ALK: variants seen among roughly 807,000 people sequenced by gnomAD.
ALK encodes the protein ALK tyrosine kinase receptor.
ALK carries 74 observed loss-of-function variants against 163.1 expected under a neutral mutation model. The ratio of observed to expected loss-of-function variants is 0.45; its 90% confidence interval spans 0.38 to 0.55. The LOEUF is 0.55. Among genes scored for constraint, ALK ranks in the 20% least tolerant of loss-of-function variants. ALK has a pLI of 0.00. For missense variants in ALK, 2,063 were observed against 2,105.3 expected (o/e 0.98, Z 0.39); for synonymous variants, 960 against 843.2 (o/e 1.14, Z -2.40).
chr2:29,694,220 C>G (rs1252241016), intron 3 of ALK, among the ~76,000 whole-genome samples: 1 of 152,198 alleles, frequency 6.6e-6, no homozygotes, highest in African/African-American at 2.4e-5. Context: ...GCCTACCTTT[C>G]CTAGGCCCTG....
At chr2:29,777,571 T>C (rs568666383) in intron 1 of ALK, among the ~76,000 whole-genome samples, 1 of 152,272 alleles carries the variant, frequency 6.6e-6, no homozygotes, top group African/African-American at 2.4e-5. Context: ...TGGCTTTCTC[T>C]TCCCCATGTG....
chr2:29,562,124 C>A (rs1674040822), intron 3 of ALK, among the ~76,000 whole-genome samples: 1 of 152,226 alleles, frequency 6.6e-6, no homozygotes, highest in South Asian at 2.1e-4. Context: ...TCTAGGCAGA[C>A]AGCCAGTTTC....
intron 1 of ALK, among the ~76,000 whole-genome samples, chr2:29,724,418 A>G (rs1679508980): frequency 6.6e-6 from 1 of 152,320 alleles, no homozygotes; most frequent in Non-Finnish European, 1.5e-5. Flanking sequence ...CACAGCTCTC[A>G]GAGAGTACAG....
intron 3 of ALK, among the ~76,000 whole-genome samples, chr2:29,693,431 A>ACG (rs1678460765): frequency 6.6e-6 from 1 of 150,564 alleles, no homozygotes; most frequent in South Asian, 2.1e-4. Flanking sequence ...ACACACACAC[A>ACG]CACACAGACA....
chr2:29,505,808 A>G, intron 4 of ALK, among the ~76,000 whole-genome samples: 1 of 150,610 alleles, frequency 6.6e-6, no homozygotes, highest in East Asian at 1.9e-4. Flanking sequence ...CACTAATTGA[A>G]AAAAAAAAAA....
chr2:29,226,895 C>T (rs1214860219), intron 18 of ALK, 27 bp downstream of exon 18: 3 of 1,613,600 alleles, frequency 1.9e-6, no homozygotes, highest in East Asian at 2.2e-5. Context: ...ATGGGCCCCT[C>T]TGCCTCCCCT....
In ALK at chr2:29,793,597, A is replaced by C. The variant is rs542632272; in HGVS notation, c.668-75900T>G. On this transcript the variant is annotated intron_variant, in intron 1 of 28. Transcript: ENST00000389048. ...GCTTGAAAGTCAAAATTAGTCCACT[A>C]TCCATGGATTGCAGAAAGGATGCTG... 1.6e-4 allele frequency among the ~76,000 whole-genome samples: 25 copies of C among 152,228 alleles called. No homozygotes were observed. In the South Asian group the frequency reaches 2.9e-3, roughly 18 times the overall value.
At chr2:29,391,961 G>A (rs543974269) in intron 4 of ALK, among the ~76,000 whole-genome samples, 1 of 152,338 alleles carries the variant, frequency 6.6e-6, no homozygotes, top group East Asian at 1.9e-4. Flanking sequence ...GGGGTATTGT[G>A]AAGATCACAT....
intron 5 of ALK, among the ~76,000 whole-genome samples, chr2:29,330,858 G>A (rs974927400): frequency 1.3e-5 from 2 of 152,254 alleles, no homozygotes; most frequent in East Asian, 3.9e-4. Flanking sequence ...TCAAGGAAGC[G>A]ATTCTCCTAA....
At chr2:29,918,328 A>C (rs1484559184) in intron 1 of ALK, among the ~76,000 whole-genome samples, 3 of 152,238 alleles carry the variant, frequency 2.0e-5, no homozygotes, top group Admixed American at 2.0e-4. Flanking sequence ...CTGCATTTCC[A>C]GAGAAGTCAT....
intron 2 of ALK, among the ~76,000 whole-genome samples, chr2:29,710,499 C>CGTGTGTGTGTGTGTGTGTGT (rs55939983): frequency 6.9e-6 from 1 of 144,662 alleles, no homozygotes; most frequent in South Asian, 2.3e-4. Flanking sequence ...AGTCTGTGTG[C>CGTGTGTGTGTGTGTGTGTGT]GTGTGTGTGT....
chr2:29,698,634 G>A (rs1678642056), intron 2 of ALK, among the ~76,000 whole-genome samples: 1 of 152,200 alleles, frequency 6.6e-6, no homozygotes, highest in South Asian at 2.1e-4. Flanking sequence ...ACAACAGACA[G>A]ACAGTGCAAT....
rs534061106 is a variant in ALK, at chr2:29,807,041, G to A, written c.668-89344C>T. ...CTAAAGTACTTTCAAATTTCACTTG[G>A]GAGCAATCCTTAGCAAGGATTACAA... On this transcript the variant is annotated intron_variant, in intron 1 of 28. Coordinates refer to ENST00000389048, the MANE Select transcript of ALK (RefSeq NM_004304.5). Among the ~76,000 whole-genome samples, 4 of 152,280 alleles carry A rather than the reference G, an allele frequency of 2.6e-5. No individual in the cohort carries two copies. In the East Asian group the frequency reaches 7.7e-4, roughly 29 times the overall value.
chr2:29,774,708 G>A lies in ALK; in HGVS notation c.668-57011C>T, dbSNP rs560295433. Among the ~76,000 whole-genome samples the A allele has an allele frequency of 7.9e-5, 12 of 152,270 alleles. No individual in the cohort carries two copies. The South Asian group carries it at 1.5e-3, about 18-fold the overall frequency. The stretch of plus-strand genomic sequence containing the variant: ...AGGAGGTAAAAATACAATGCCATGC[G>A]CCTGAGAAATTCCTTCCAGTAGAAT... On this transcript the variant is annotated intron_variant, in intron 1 of 28. Coordinates refer to ENST00000389048, the MANE Select transcript of ALK (RefSeq NM_004304.5).
At chr2:29,585,274 C>T (rs1011403039) in intron 3 of ALK, among the ~76,000 whole-genome samples, 1 of 152,122 alleles carries the variant, frequency 6.6e-6, no homozygotes, top group Non-Finnish European at 1.5e-5. Flanking sequence ...AATTGCAATT[C>T]AAACACCAGA....
At chr2:29,795,236 C>G (rs1329533196) in intron 1 of ALK, among the ~76,000 whole-genome samples, 1 of 152,018 alleles carries the variant, frequency 6.6e-6, no homozygotes, top group Non-Finnish European at 1.5e-5. Flanking sequence ...TGTTCAGCCT[C>G]GCTGGTAAGC....
chr2:29,647,130 C>T (rs1009626735), intron 3 of ALK, among the ~76,000 whole-genome samples: 2 of 152,170 alleles, frequency 1.3e-5, no homozygotes, highest in African/African-American at 4.8e-5. Flanking sequence ...TTGGCAAAAT[C>T]AGTTTTGAAT....
intron 3 of ALK, among the ~76,000 whole-genome samples, chr2:29,598,389 G>GTTTGT (rs1386163678): frequency 5.9e-5 from 9 of 152,060 alleles, no homozygotes; most frequent in African/African-American, 2.2e-4. Context: ...TTGTTTGTTT[G>GTTTGT]TTTGTTTTGA....
chr2:29,396,836 G>GT (rs10654058), intron 4 of ALK, among the ~76,000 whole-genome samples: 18,759 of 45,838 alleles, frequency 0.41, 5,779 homozygotes, highest in Non-Finnish European at 0.47. Flanking sequence ...TGTTACTATG[G>GT]TTTTTTTTTT....
Sources: allele counts gnomAD v4.1 joint callset (sites outside exome capture counted in the v4.1 genomes callset), GRCh38; gene constraint gnomAD v4.1.1; transcripts MANE v1.5; gene names NCBI Gene and HGNC (gene_info 2026-07-23, HGNC 2026-07-21).